The following HIVEP1 variants were observed in gnomAD, a reference collection of about 807,000 sequenced individuals.
HIVEP1 encodes the protein zinc finger protein 40.
Under a neutral mutation model 180.0 loss-of-function variants are expected in HIVEP1, and 36 were observed. The observed-to-expected ratio is 0.20, with a 90% CI of 0.15 to 0.26. The LOEUF (loss-of-function observed/expected upper bound fraction) is 0.26, where lower values mean the gene tolerates loss of function less well. HIVEP1 is among the 10% of genes least tolerant of loss of function. The pLI is 1.00. For synonymous variants in HIVEP1, 1,239 were observed against 1,239.0 expected, an observed-to-expected ratio of 1.00 and a Z score of 0.00; for missense variants, 3,143 against 3,268.7, an observed-to-expected ratio of 0.96 and a Z score of 0.94.
chr6:12,093,252 A>G (rs941934409), intron 3 of HIVEP1, among the ~76,000 whole-genome samples: 1 of 151,990 alleles, frequency 6.6e-6, no homozygotes, highest in Non-Finnish European at 1.5e-5. Flanking sequence ...AAATTGAGTT[A>G]TCTTTTTCTT....
chr6:12,008,222 A>T (rs1011860687), upstream of HIVEP1: 2 of 152,216 alleles, frequency 1.3e-5, no homozygotes, highest in African/African-American at 4.8e-5. Context: ...TTTATGGTGT[A>T]TGGAAAGCAT....
At chr6:12,189,448 A>C in the HIVEP1 span, among the ~76,000 whole-genome samples, 3 of 152,176 alleles carry the variant, frequency 2.0e-5, no homozygotes, top group African/African-American at 7.2e-5. Context: ...GAAAAGGCCA[A>C]TAATTCAAAG....
chr6:12,058,919 C>T (rs528735949), intron 2 of HIVEP1, among the ~76,000 whole-genome samples: 3 of 151,852 alleles, frequency 2.0e-5, no homozygotes, highest in East Asian at 3.9e-4. Context: ...TTATGTGAGA[C>T]GCATAGACAT....
chr6:12,136,013 T>G, intron 7 of HIVEP1, 121 bp downstream of exon 7: 1 of 559,802 alleles, frequency 1.8e-6, no homozygotes, highest in East Asian at 3.2e-5. Flanking sequence ...CTTATTTATA[T>G]GCAGTAGACT....
intron 2 of HIVEP1, among the ~76,000 whole-genome samples, chr6:12,017,191 A>C (rs1383301236): frequency 6.6e-6 from 1 of 152,198 alleles, no homozygotes; most frequent in Non-Finnish European, 1.5e-5. Flanking sequence ...TTTCTGTATC[A>C]AATAAATGTT....
Position 12,119,793 on chromosome 6 carries a change from A to G in HIVEP1, c.95-97A>G, listed in dbSNP as rs944192071. ...TCCTTAAATACTTTCTTCACTTGTC[A>G]TAATGTCCTTATGATAGTAATCTTA... On this transcript the variant is annotated intron_variant, in intron 3 of 8. Transcript: ENST00000379388. 14 of 754,144 alleles carry G rather than the reference A, an allele frequency of 1.9e-5. No individual in the cohort carries two copies. In the African/African-American group the frequency reaches 2.2e-4, roughly 12 times the overall value. The allele number at this position is 754,144 out of a possible 1,614,324, so 46.7% of individuals were successfully genotyped here. A position where few individuals can be genotyped will look rare whatever the true frequency, so the allele number is the denominator to read the frequency against.
upstream of HIVEP1, chr6:12,012,272 C>A (rs1306914919): frequency 6.8e-6 from 1 of 148,082 alleles, no homozygotes; most frequent in Non-Finnish European, 1.5e-5. Context: ...CCCCCCGGCC[C>A]GCTCCCCTGT....
At chr6:12,107,036 C>T (rs4407714) in intron 3 of HIVEP1, among the ~76,000 whole-genome samples, 15,976 of 152,202 alleles carry the variant, frequency 0.1, 902 homozygotes, top group Middle Eastern at 0.18. Flanking sequence ...AACATACTTT[C>T]TATGTCCTCT....
the HIVEP1 span, among the ~76,000 whole-genome samples, chr6:12,199,609 C>A: frequency 6.6e-6 from 1 of 152,108 alleles, no homozygotes; most frequent in South Asian, 2.1e-4. Flanking sequence ...GATCTGCCCA[C>A]CTCGGCCTCC....
At chr6:12,080,092 G>T (rs887479697) in intron 2 of HIVEP1, among the ~76,000 whole-genome samples, 3 of 152,038 alleles carry the variant, frequency 2.0e-5, no homozygotes, top group African/African-American at 7.2e-5. Context: ...TGTTTTAGGG[G>T]ATGTAGAAAG....
chr6:12,144,628 A>G lies in HIVEP1; in HGVS notation c.6487+8736A>G, dbSNP rs1200577084. On this transcript the variant is annotated intron_variant, in intron 7 of 8. Coordinates refer to ENST00000379388, the MANE Select transcript of HIVEP1 (RefSeq NM_002114.4). ...AAAATTTTTGCAATCTACTCATCTG[A>G]CAAAGGGCTAATATCCAGAATCTAC... Among the ~76,000 whole-genome samples, 14 of 152,338 alleles carry G rather than the reference A, an allele frequency of 9.2e-5. 2 individuals carry two copies. Among genetic ancestry groups the G allele is most frequent in the African/African-American group, 3.4e-4 (14 of 41,570 alleles).
rs1581721770 is a variant in HIVEP1 at position 12,120,510 on chromosome 6, A to G, written c.715A>G (p.Ser239Gly). 1.9e-6 allele frequency: 3 copies of G among 1,614,244 alleles called. No homozygotes were observed. Among genetic ancestry groups the G allele is most frequent in the African/African-American group, 2.7e-5 (2 of 75,068 alleles). The change falls in exon 4 of 9, where the codon AGT (serine) becomes GGT (glycine). Residue 239 changes from serine (S) to glycine (G), a missense_variant. Transcript: ENST00000379388. ...ACGTTCCCCTCCCAAATTAAAAAAC[A>G]GTTCAATGGATGCCCCAAATCAGAC... ...TARSPPKLKN[S>G]SMDAPNQTSQ...
At chr6:12,025,245 C>G (rs1768501636) in intron 2 of HIVEP1, among the ~76,000 whole-genome samples, 1 of 152,096 alleles carries the variant, frequency 6.6e-6, no homozygotes, top group Non-Finnish European at 1.5e-5. Flanking sequence ...GCTCTCCATC[C>G]CAGTTAACTT....
At chr6:12,194,333 T>G in the HIVEP1 span, among the ~76,000 whole-genome samples, 1 of 151,938 alleles carries the variant, frequency 6.6e-6, no homozygotes, top group African/African-American at 2.4e-5. Flanking sequence ...AAATTTTAGT[T>G]CTTCAGGAAG....
At chr6:12,024,203 C>T (rs1256099752) in intron 2 of HIVEP1, among the ~76,000 whole-genome samples, 1 of 150,728 alleles carries the variant, frequency 6.6e-6, no homozygotes, top group East Asian at 1.9e-4. Flanking sequence ...TCTTTTTGAT[C>T]ATGAGGCTTT....
rs1403912522 is a variant in HIVEP1 at position 12,122,787 on chromosome 6, G to C, written c.2992G>C (p.Glu998Gln). The change falls in exon 4 of 9, where the codon GAG (glutamate) becomes CAG (glutamine). Residue 998 changes from glutamate (E) to glutamine (Q), a missense_variant. By Grantham distance (29) the Glu-to-Gln change is conservative. Coordinates refer to ENST00000379388, the MANE Select transcript of HIVEP1 (RefSeq NM_002114.4). ...PKTKVAMREP[E>Q]HSPVPGGLQP... ...AACAAAGGTAGCCATGAGAGAACCT[G>C]AGCACAGCCCTGTGCCCGGCGGTCT... is the stretch of plus-strand genomic sequence containing the variant. The C allele has an allele frequency of 6.2e-7, 1 of 1,612,992 alleles. No homozygotes were observed. The highest frequency in any genetic ancestry group is 1.7e-5 in the Admixed American group (1 of 59,708).
the HIVEP1 span, among the ~76,000 whole-genome samples, chr6:12,171,457 G>C: frequency 6.6e-6 from 1 of 152,148 alleles, no homozygotes; most frequent in African/African-American, 2.4e-5. Flanking sequence ...GCTTGAACAA[G>C]ATACAGACAA....
intron 7 of HIVEP1, among the ~76,000 whole-genome samples, chr6:12,154,226 C>T (rs1258723988): frequency 6.6e-6 from 1 of 152,224 alleles, no homozygotes; most frequent in Non-Finnish European, 1.5e-5. Context: ...CTGGTTCGCA[C>T]CTACAGTATG....
chr6:12,137,974 A>G (rs1422446685), intron 7 of HIVEP1, among the ~76,000 whole-genome samples: 3 of 152,176 alleles, frequency 2.0e-5, no homozygotes, highest in Non-Finnish European at 2.9e-5. Context: ...CACAAATTCA[A>G]TATATTTTTT....
Sources: allele counts gnomAD v4.1 joint callset (sites outside exome capture counted in the v4.1 genomes callset), GRCh38; gene constraint gnomAD v4.1.1; transcripts MANE v1.5; gene names NCBI Gene and HGNC (gene_info 2026-07-23, HGNC 2026-07-21).